LRIF1: variants seen among roughly 807,000 people sequenced by gnomAD.
LRIF1 encodes the protein ligand-dependent nuclear receptor-interacting factor 1.
Under a neutral mutation model 52.7 loss-of-function variants are expected in LRIF1, and 32 were observed. The ratio of observed to expected loss-of-function variants is 0.61; its 90% CI spans 0.46 to 0.82. The LOEUF (loss-of-function observed/expected upper bound fraction) is 0.82, where lower values mean the gene tolerates loss of function less well. Among genes scored for constraint, LRIF1 ranks in the 40% least tolerant of loss-of-function variants. The probability of loss-of-function intolerance (pLI) is 0.00; values close to 1 mark genes in which losing one functional copy is unlikely to be tolerated. For synonymous variants in LRIF1, 323 were observed against 317.4 expected (o/e 1.02, Z -0.19); for missense variants, 887 against 892.0 (o/e 0.99, Z 0.07).
chr1:110,887,820 G>C, the LRIF1 span, among the ~76,000 whole-genome samples: 1 of 152,194 alleles, frequency 6.6e-6, no homozygotes, highest in African/African-American at 2.4e-5. Context: ...TGCTAATCAG[G>C]ACTCAGCTAA....
chr1:110,923,561 G>C, the LRIF1 span, among the ~76,000 whole-genome samples: 1 of 152,032 alleles, frequency 6.6e-6, no homozygotes, highest in African/African-American at 2.4e-5. Flanking sequence ...ATAACAAAAA[G>C]AATCAGAAAA....
chr1:110,948,324 C>A lies in LRIF1; in HGVS notation c.1945G>T (p.Ala649Ser). 6.2e-7 allele frequency: 1 copy of A among 1,614,014 alleles called. No homozygotes were observed. The highest frequency in any genetic ancestry group is 2.2e-5 in the East Asian group (1 of 44,868). The change falls in exon 4 of 4, where the codon GCT (alanine) becomes TCT (serine). Residue 649 changes from alanine (A) to serine (S), a missense_variant. Physicochemically the swap from Ala to Ser is moderately conservative, Grantham distance 99. Coordinates refer to ENST00000369763, the MANE Select transcript of LRIF1 (RefSeq NM_018372.4). ...TCCCCATTTATGATTGCGTTATAAG[C>A]ATTCTCTGTTTTTCTCTTCTTTATG... Reference protein sequence around the residue: ...DHIKKRKTENAYNAIINGEAN... With the variant: ...DHIKKRKTENSYNAIINGEAN...
At chr1:110,890,727 T>C in the LRIF1 span, among the ~76,000 whole-genome samples, 6 of 152,242 alleles carry the variant, frequency 3.9e-5, no homozygotes, top group Admixed American at 3.9e-4. Flanking sequence ...AAAGCTTACA[T>C]TGCTATCTCT....
At chr1:110,915,033 G>A in the LRIF1 span, among the ~76,000 whole-genome samples, 1 of 152,050 alleles carries the variant, frequency 6.6e-6, no homozygotes, top group Non-Finnish European at 1.5e-5. Flanking sequence ...AACTACCCGT[G>A]ACTAGAAATC....
At chr1:110,962,481 T>C (rs997886543) in intron 1 of LRIF1, among the ~76,000 whole-genome samples, 5 of 152,196 alleles carry the variant, frequency 3.3e-5, no homozygotes, top group African/African-American at 9.6e-5. Context: ...TTTATTGCAA[T>C]GGAGTTTTCT....
intron 1 of LRIF1, among the ~76,000 whole-genome samples, chr1:110,959,639 A>G (rs990835974): frequency 1.3e-5 from 2 of 150,432 alleles, no homozygotes; most frequent in Non-Finnish European, 3.0e-5. Context: ...AGTCCCAGCT[A>G]CTTGGGAGGC....
intron 3 of LRIF1, among the ~76,000 whole-genome samples, chr1:110,949,590 T>C (rs750003661): frequency 1.3e-5 from 2 of 151,920 alleles, no homozygotes; most frequent in African/African-American, 2.4e-5. Flanking sequence ...CAGCTAATTT[T>C]TGTATTTTTA....
chr1:110,902,080 A>G, the LRIF1 span, among the ~76,000 whole-genome samples: 9 of 152,320 alleles, frequency 5.9e-5, 1 homozygote, highest in South Asian at 1.9e-3. Flanking sequence ...TCAATAGTCT[A>G]CTATCTGCTC....
intron 1 of LRIF1, among the ~76,000 whole-genome samples, chr1:110,962,061 T>TACACACAC (rs59351644): frequency 0.042 from 6,084 of 143,788 alleles, 189 homozygotes; most frequent in East Asian, 0.13. Flanking sequence ...GAGTTAAGGG[T>TACACACAC]ACACACACAC....
At chr1:110,951,154 C>G in intron 2 of LRIF1, 134 bp downstream of exon 2, 1 of 701,844 alleles carries the variant, frequency 1.4e-6, no homozygotes, top group Admixed American at 2.9e-5. Context: ...GACTTAAATA[C>G]TCATATGTGT....
the LRIF1 span, among the ~76,000 whole-genome samples, chr1:110,924,561 C>A: frequency 6.6e-6 from 1 of 152,092 alleles, no homozygotes; most frequent in Non-Finnish European, 1.5e-5. Flanking sequence ...TGAGAACTCA[C>A]TGTCGTGAGA....
At chr1:110,885,397 A>G in the LRIF1 span, among the ~76,000 whole-genome samples, 4 of 152,056 alleles carry the variant, frequency 2.6e-5, no homozygotes, top group African/African-American at 4.8e-5. Context: ...AATTAGCTGG[A>G]CGTGGTGGCA....
At chr1:110,886,544 T>TAGAAATAAAA in the LRIF1 span, among the ~76,000 whole-genome samples, 1 of 152,148 alleles carries the variant, frequency 6.6e-6, no homozygotes, top group South Asian at 2.1e-4. Flanking sequence ...GATGCTCTGT[T>TAGAAATAAAA]CATTTAAAAC....
chr1:110,897,690 A>G, the LRIF1 span: 1 of 561,280 alleles, frequency 1.8e-6, no homozygotes. Flanking sequence ...TAAAAATATA[A>G]TACCTAAGCC....
chr1:110,935,872 T>A, the LRIF1 span, among the ~76,000 whole-genome samples: 6 of 151,902 alleles, frequency 3.9e-5, no homozygotes, highest in African/African-American at 1.2e-4. Flanking sequence ...GCAGATTTAC[T>A]CCAAAGAAGA....
chr1:110,962,555 ATAATAG>A (rs1335908841), intron 1 of LRIF1, among the ~76,000 whole-genome samples: 2 of 151,900 alleles, frequency 1.3e-5, no homozygotes, highest in African/African-American at 4.8e-5. Flanking sequence ...TTGTATGCTT[ATAATAG>A]TAATAGTTAA....
chr1:110,918,720 TCA>T, the LRIF1 span, among the ~76,000 whole-genome samples: 2 of 152,162 alleles, frequency 1.3e-5, no homozygotes, highest in African/African-American at 2.4e-5. Flanking sequence ...TTTAGAGACC[TCA>T]CACACTTGGG....
At chr1:110,887,219 A>T in the LRIF1 span, among the ~76,000 whole-genome samples, 30,972 of 151,580 alleles carry the variant, frequency 0.2, 3,386 homozygotes, top group Non-Finnish European at 0.24. Context: ...GCCCACCACC[A>T]CGCCTGGCTA....
chr1:110,894,283 AG>A, the LRIF1 span: 1 of 1,561,398 alleles, frequency 6.4e-7, no homozygotes, highest in East Asian at 2.2e-5. Flanking sequence ...GAGTGGGACG[AG>A]AATGGGGATC....
Sources: gnomAD v4.1 joint callset for allele counts (sites outside exome capture counted in the v4.1 genomes callset) on GRCh38, gnomAD v4.1.1 for gene constraint, MANE v1.5 for transcripts, NCBI Gene and HGNC (gene_info 2026-07-23, HGNC 2026-07-21) for gene names.